The following ERC1 variants were observed in gnomAD, a reference collection of about 807,000 sequenced individuals.
ERC1 encodes the protein ELKS/RAB6-interacting/CAST family member 1.
In ERC1, 56 loss-of-function variants were observed where a neutral mutation model predicts 132.0. The ratio of observed to expected loss-of-function variants is 0.42; its 90% CI spans 0.34 to 0.53. The LOEUF is 0.53. Among genes scored for constraint, ERC1 ranks in the 20% least tolerant of loss-of-function variants. The pLI is 0.03. For missense variants in ERC1, 1,202 were observed against 1,349.9 expected (o/e 0.89, Z 1.72); for synonymous variants, 478 against 476.1 (o/e 1.00, Z -0.05).
intron 7 of ERC1, among the ~76,000 whole-genome samples, chr12:1,123,712 G>A (rs1399137840): frequency 6.6e-6 from 1 of 152,148 alleles, no homozygotes; most frequent in Non-Finnish European, 1.5e-5. Flanking sequence ...TACATAAAGC[G>A]GGCCGGGCGC....
intron 2 of ERC1, among the ~76,000 whole-genome samples, chr12:1,052,754 G>C (rs1447790222): frequency 1.3e-5 from 2 of 152,180 alleles, no homozygotes; most frequent in Non-Finnish European, 1.5e-5. Context: ...CGGATCACCT[G>C]AGGTCGGGAG....
chr12:1,177,436 C>G (rs1238067354), intron 8 of ERC1, among the ~76,000 whole-genome samples: 2 of 152,150 alleles, frequency 1.3e-5, no homozygotes, highest in Admixed American at 1.3e-4. Flanking sequence ...TGCAACTTTT[C>G]CTTCTCCCTG....
intron 16 of ERC1, among the ~76,000 whole-genome samples, chr12:1,396,245 T>G (rs1317809262): frequency 6.6e-6 from 1 of 152,198 alleles, no homozygotes; most frequent in Non-Finnish European, 1.5e-5. Context: ...TTTTGTTTAA[T>G]ACAAAGAGGA....
intron 13 of ERC1, among the ~76,000 whole-genome samples, chr12:1,260,559 TATTAA>T (rs1396086562): frequency 6.6e-6 from 1 of 152,222 alleles, no homozygotes; most frequent in African/African-American, 2.4e-5. Flanking sequence ...CTCAACATTT[TATTAA>T]ATTAAATAGG....
intron 16 of ERC1, among the ~76,000 whole-genome samples, chr12:1,394,181 A>G (rs2090300285): frequency 6.6e-6 from 1 of 151,758 alleles, no homozygotes; most frequent in African/African-American, 2.4e-5. Context: ...CGGGCAGATC[A>G]CGAGGTCAGG....
chr12:1,138,135 A>AATATAATTATATATAATACATATTAT (rs1566059569), intron 7 of ERC1, among the ~76,000 whole-genome samples: 3 of 122,636 alleles, frequency 2.4e-5, no homozygotes, highest in African/African-American at 9.9e-5. Context: ...TATTATATAT[A>AATATAATTATATATAATACATATTAT]ATATAATTAT....
chr12:1,027,179 AT>A (rs1967034344), intron 1 of ERC1, among the ~76,000 whole-genome samples: 1 of 152,320 alleles, frequency 6.6e-6, no homozygotes, highest in South Asian at 2.1e-4. Context: ...TTTCCTTTAA[AT>A]TAAAAACTGC....
Position 1,098,405 on chromosome 12 carries a change from A to C in ERC1, c.1087-6345A>C, listed in dbSNP as rs535332203. 3.5e-4 allele frequency among the ~76,000 whole-genome samples: 53 copies of C among 152,362 alleles called. 1 individual carries two copies. The South Asian group carries it at 0.011, about 32-fold the overall frequency. On this transcript the variant is annotated intron_variant, in intron 3 of 18. Transcript: ENST00000360905. ...CTTGAAAATAGACAAAGGAGGTGGA[A>C]GAAAGCTAACTAGAGGCTGTTGCAA...
intron 12 of ERC1, among the ~76,000 whole-genome samples, chr12:1,217,654 C>T (rs1431934821): frequency 6.6e-6 from 1 of 152,174 alleles, no homozygotes; most frequent in East Asian, 1.9e-4. Flanking sequence ...AGTTCACTTA[C>T]TCTCGTCTCC....
At chr12:1,353,029 T>C (rs938129591) in intron 15 of ERC1, among the ~76,000 whole-genome samples, 2 of 121,642 alleles carry the variant, frequency 1.6e-5, no homozygotes, top group Admixed American at 7.6e-5. Flanking sequence ...TTTTCTTTTC[T>C]TTTTTTTTTT....
intron 16 of ERC1, among the ~76,000 whole-genome samples, chr12:1,400,917 T>A (rs797006228): frequency 5.0e-4 from 2 of 3,974 alleles, no homozygotes; most frequent in Non-Finnish European, 8.7e-4. Context: ...TATTTTTGTA[T>A]TTTTTTTTTT....
At chr12:1,096,575 A>G (rs750398829) in intron 3 of ERC1, among the ~76,000 whole-genome samples, 2 of 152,246 alleles carry the variant, frequency 1.3e-5, no homozygotes, top group African/African-American at 2.4e-5. Context: ...AACATGGACA[A>G]ACTAGGCTGG....
intron 10 of ERC1, among the ~76,000 whole-genome samples, chr12:1,182,867 A>C (rs1057135345): frequency 6.6e-6 from 1 of 151,812 alleles, no homozygotes; most frequent in African/African-American, 2.4e-5. Flanking sequence ...GGGTCTTGCT[A>C]TGTTGCCCAG....
rs181977003 is a variant in ERC1, at chr12:1,202,661, G to T, written c.2351+12609G>T. Among the ~76,000 whole-genome samples the T allele has an allele frequency of 1.0e-4, 15 of 150,328 alleles. No individual in the cohort carries two copies. The East Asian group carries it at 2.9e-3, about 29-fold the overall frequency. ...GACAGGTGAAACCCTGTCTCAAAAA[G>T]GAAAAAAAAAGAGTTGTAATTTGAT... On this transcript the variant is annotated intron_variant, in intron 12 of 18. Transcript: ENST00000360905.
At chr12:1,100,094 C>T (rs143758216) in intron 3 of ERC1, among the ~76,000 whole-genome samples, 20 of 152,044 alleles carry the variant, frequency 1.3e-4, no homozygotes, top group South Asian at 8.3e-4. Flanking sequence ...GTGATCCACC[C>T]GCCTCGGCCT....
intron 13 of ERC1, among the ~76,000 whole-genome samples, chr12:1,243,858 C>T (rs915715330): frequency 1.3e-5 from 2 of 152,148 alleles, no homozygotes; most frequent in Non-Finnish European, 2.9e-5. Context: ...AGTTCTTTAT[C>T]CGAAGTGTTA....
At chr12:1,464,147 G>T (rs916528910) in intron 18 of ERC1, among the ~76,000 whole-genome samples, 9 of 152,234 alleles carry the variant, frequency 5.9e-5, no homozygotes, top group African/African-American at 2.2e-4. Context: ...CCCGATGGAT[G>T]TGAGAACTCC....
At chr12:1,083,651 GC>G in intron 3 of ERC1, 71 bp downstream of exon 3, 1 of 1,241,392 alleles carries the variant, frequency 8.1e-7, no homozygotes. Context: ...CAGCATCTTG[GC>G]CCCAGTGAAT....
chr12:1,356,212 A>AG (rs1489476709), intron 15 of ERC1, among the ~76,000 whole-genome samples: 5,875 of 118,796 alleles, frequency 0.049, 145 homozygotes, highest in African/African-American at 0.1. Flanking sequence ...AAAAAAAAAA[A>AG]AGTGTGTGTG....
Sources: allele counts gnomAD v4.1 joint callset (sites outside exome capture counted in the v4.1 genomes callset), GRCh38; gene constraint gnomAD v4.1.1; transcripts MANE v1.5; gene names NCBI Gene and HGNC (gene_info 2026-07-23, HGNC 2026-07-21).